Variants in MUCL1 observed in about 807,000 individuals in gnomAD.
MUCL1 encodes the protein mucin-like protein 1.
Under a neutral mutation model 9.2 loss-of-function variants are expected in MUCL1, and 11 were observed. The ratio of observed to expected loss-of-function variants is 1.19; its 90% CI spans 0.75 to 1.97. MUCL1 has a LOEUF of 1.97. Ranked by LOEUF, MUCL1 falls within the 30% of genes most tolerant of loss-of-function variation. The pLI is 0.00. For missense variants in MUCL1, 144 were observed against 110.9 expected (o/e 1.30, Z -1.34); for synonymous variants, 48 against 40.5 (o/e 1.19, Z -0.71).
chr12:54,833,097 T>C (rs1415630685), intron 1 of MUCL1, among the ~76,000 whole-genome samples: 1 of 152,118 alleles, frequency 6.6e-6, no homozygotes, highest in African/African-American at 2.4e-5. Flanking sequence ...GAGTAAGAGT[T>C]GCTCATTTGA....
At chr12:54,849,114 C>A (rs1959299228) in intron 1 of MUCL1, among the ~76,000 whole-genome samples, 1 of 151,936 alleles carries the variant, frequency 6.6e-6, no homozygotes, top group Non-Finnish European at 1.5e-5. Context: ...GTGTTGAGTG[C>A]AAAAAGAAGA....
upstream of MUCL1, among the ~76,000 whole-genome samples, chr12:54,852,405 G>A (rs1314396416): frequency 1.3e-5 from 2 of 152,162 alleles, no homozygotes; most frequent in Admixed American, 1.3e-4. Flanking sequence ...AAGCAATGGG[G>A]AAAGGATTCC....
At chr12:54,856,637 A>T (rs1868301492) in intron 2 of MUCL1, 133 bp from the exon 3 acceptor site, 1 of 1,227,272 alleles carries the variant, frequency 8.1e-7, no homozygotes, top group Non-Finnish European at 1.1e-6. Context: ...CAGGTAGGCT[A>T]AAGGTAAGAC....
At chr12:54,850,903 A>T (rs1441069445), upstream of MUCL1, among the ~76,000 whole-genome samples, 1 of 152,160 alleles carries the variant, frequency 6.6e-6, no homozygotes, top group Non-Finnish European at 1.5e-5. Flanking sequence ...CATTTCTCTG[A>T]TGGCCAGTGA....
At chr12:54,830,743 T>C (rs1445020277) in exon 1 of MUCL1, 1 of 152,226 alleles carries the variant, frequency 6.6e-6, no homozygotes, top group Non-Finnish European at 1.5e-5. Flanking sequence ...ACTTGAACTA[T>C]AGACCCCTTG....
upstream of MUCL1, among the ~76,000 whole-genome samples, chr12:54,850,710 T>C (rs1221052501): frequency 2.0e-5 from 3 of 152,222 alleles, no homozygotes; most frequent in Non-Finnish European, 4.4e-5. Flanking sequence ...GTATTTCTAG[T>C]TCTAGATCCT....
intron 1 of MUCL1, among the ~76,000 whole-genome samples, chr12:54,843,929 AT>A (rs1959227267): frequency 6.6e-6 from 1 of 152,152 alleles, no homozygotes; most frequent in African/African-American, 2.4e-5. Flanking sequence ...ACATTCATTG[AT>A]TTTCAAATAT....
At chr12:54,849,396 A>G (rs965059908) in intron 1 of MUCL1, among the ~76,000 whole-genome samples, 3 of 152,072 alleles carry the variant, frequency 2.0e-5, no homozygotes, top group Non-Finnish European at 4.4e-5. Flanking sequence ...CAGTTATCTC[A>G]TTGTTTTGGC....
intron 3 of MUCL1, among the ~76,000 whole-genome samples, chr12:54,857,810 T>C (rs1223067892): frequency 6.6e-6 from 1 of 152,226 alleles, no homozygotes; most frequent in Admixed American, 6.5e-5. Flanking sequence ...TATTGCTTTA[T>C]ACTTTTTCAT....
intron 3 of MUCL1, among the ~76,000 whole-genome samples, chr12:54,857,388 A>T (rs527681018): frequency 6.6e-6 from 1 of 152,132 alleles, no homozygotes; most frequent in South Asian, 2.1e-4. Context: ...CTTGAGGCAG[A>T]TTATTTTGAG....
chr12:54,852,026 A>T (rs1334586135), upstream of MUCL1, among the ~76,000 whole-genome samples: 2 of 152,236 alleles, frequency 1.3e-5, no homozygotes, highest in East Asian at 3.8e-4. Flanking sequence ...CAAATGGAAG[A>T]ACATTCCATG....
intron 1 of MUCL1, among the ~76,000 whole-genome samples, chr12:54,844,163 G>T (rs1205818593): frequency 6.6e-6 from 1 of 152,006 alleles, no homozygotes; most frequent in Non-Finnish European, 1.5e-5. Flanking sequence ...TTCAACATTT[G>T]GGAAGCATTT....
upstream of MUCL1, among the ~76,000 whole-genome samples, chr12:54,852,579 T>C (rs57492046): frequency 6.6e-6 from 1 of 152,336 alleles, no homozygotes; most frequent in East Asian, 1.9e-4. Context: ...TAATCCACTG[T>C]GCAGTTTTGA....
chr12:54,852,777 C>T (rs2135945447), upstream of MUCL1, among the ~76,000 whole-genome samples: 1 of 152,312 alleles, frequency 6.6e-6, no homozygotes, highest in African/African-American at 2.4e-5. Context: ...ACAAAGGTGA[C>T]TGTAGGGCTT....
At chr12:54,855,042 C>A (rs761911495) in intron 1 of MUCL1, 74 bp from the exon 2 acceptor site, 7 of 1,276,736 alleles carry the variant, frequency 5.5e-6, no homozygotes, top group Non-Finnish European at 7.9e-6. Flanking sequence ...GGAATATTGT[C>A]CATATTCTCT....
upstream of MUCL1, among the ~76,000 whole-genome samples, chr12:54,853,976 T>TA (rs1359316952): frequency 1.3e-5 from 2 of 152,242 alleles, no homozygotes; most frequent in Non-Finnish European, 2.9e-5. Context: ...GTTCGTTCTT[T>TA]AGATCATTCA....
chr12:54,841,382 G>A (rs1304748852), intron 1 of MUCL1, among the ~76,000 whole-genome samples: 2 of 152,090 alleles, frequency 1.3e-5, no homozygotes, highest in Non-Finnish European at 2.9e-5. Context: ...TGGGTCATAT[G>A]GTAGTTATTT....
At position 54,846,606 on chromosome 12, in the gene MUCL1, G is replaced by A. The variant is rs180770061; in HGVS notation, c.43+7159G>A. 5.9e-5 allele frequency among the ~76,000 whole-genome samples: 9 copies of A among 152,224 alleles called. No individual in the cohort carries two copies. In the East Asian group the frequency reaches 1.5e-3, roughly 26 times the overall value. ...AGTGAGTGGGATGAGCCATGACTGG[G>A]GAAACAATGAGAAGTAGGAGAAAGA... On this transcript the variant is annotated intron_variant, in intron 1 of 3. Coordinates refer to the MUCL1 transcript ENST00000546809.
At chr12:54,853,970 G>A (rs536423484), upstream of MUCL1, among the ~76,000 whole-genome samples, 16 of 152,242 alleles carry the variant, frequency 1.1e-4, no homozygotes, top group Non-Finnish European at 1.8e-4. Flanking sequence ...GTCATAGTTC[G>A]TTCTTTAGAT....
Sources: allele counts gnomAD v4.1 joint callset (sites outside exome capture counted in the v4.1 genomes callset), GRCh38; gene constraint gnomAD v4.1.1; transcripts MANE v1.5; gene names NCBI Gene and HGNC (gene_info 2026-07-23, HGNC 2026-07-21).